The following ARHGEF38 variants were observed in gnomAD, a reference collection of about 807,000 sequenced individuals.
The protein encoded by ARHGEF38 is Rho guanine nucleotide exchange factor (GEF) 38.
A neutral mutation model predicts 79.9 loss-of-function variants in ARHGEF38; 79 were observed. The ratio of observed to expected loss-of-function variants is 0.99; its 90% confidence interval spans 0.82 to 1.19. ARHGEF38 has a LOEUF of 1.19. ARHGEF38 is among the 50% of genes most tolerant of loss of function. ARHGEF38 has a pLI of 0.00. For missense variants in ARHGEF38, 962 were observed against 907.2 expected, an observed-to-expected ratio of 1.06 and a Z score of -0.78; for synonymous variants, 366 against 328.3, an observed-to-expected ratio of 1.11 and a Z score of -1.24.
At chr4:105,648,790 G>A (rs1729963058) in intron 7 of ARHGEF38, 108 bp downstream of exon 7, 2 of 1,108,186 alleles carry the variant, frequency 1.8e-6, no homozygotes, top group Non-Finnish European at 1.2e-6. Flanking sequence ...GAGAATCAAG[G>A]TAATTGCCCT....
At chr4:105,624,867 C>T (rs1383223613) in intron 3 of ARHGEF38, among the ~76,000 whole-genome samples, 4 of 152,176 alleles carry the variant, frequency 2.6e-5, no homozygotes, top group African/African-American at 7.2e-5. Flanking sequence ...TACCATGGAG[C>T]TTTCGCTCAG....
At chr4:105,592,162 C>T (rs1727372254) in intron 2 of ARHGEF38, among the ~76,000 whole-genome samples, 1 of 152,146 alleles carries the variant, frequency 6.6e-6, no homozygotes, top group African/African-American at 2.4e-5. Flanking sequence ...TCTCGCTCTC[C>T]TCCTTAATTC....
chr4:105,654,086 A>C lies in ARHGEF38; in HGVS notation c.1030A>C (p.Arg344=). ...TTAGGTTAAAGACAATACCTTTAAC[A>C]GAGAAGAAAAGCTGTTTAGAGCTTT... is the stretch of plus-strand genomic sequence containing the variant. ...ESQVKDNTFN[R]EEKLFRALEK... Residue 344 remains arginine, a synonymous_variant, in exon 8 of 14, where the codon AGA becomes CGA. Transcript: ENST00000420470. 3 of 1,510,950 alleles carry C rather than the reference A, an allele frequency of 2.0e-6. No homozygotes were observed. Among genetic ancestry groups the C allele is most frequent in the Non-Finnish European group, 2.7e-6 (3 of 1,129,874 alleles). 93.6% of individuals were successfully genotyped at this position (1,510,950 alleles called of 1,614,324 possible).
At chr4:105,562,306 G>T (rs1443011190) in intron 1 of ARHGEF38, among the ~76,000 whole-genome samples, 1 of 151,862 alleles carries the variant, frequency 6.6e-6, no homozygotes, top group African/African-American at 2.4e-5. Context: ...AATTCTCCTT[G>T]GGGAAAAAGA....
At chr4:105,659,954 A>T (rs1040966698) in intron 10 of ARHGEF38, among the ~76,000 whole-genome samples, 4 of 151,994 alleles carry the variant, frequency 2.6e-5, no homozygotes, top group Non-Finnish European at 4.4e-5. Context: ...AGATATTTAC[A>T]ACTTATATCA....
At chr4:105,648,846 CTT>C (rs1491508753) in intron 7 of ARHGEF38, among the ~76,000 whole-genome samples, 164 bp downstream of exon 7, 53 of 148,592 alleles carry the variant, frequency 3.6e-4, no homozygotes, top group African/African-American at 1.2e-3. Flanking sequence ...CTCTCTCTCT[CTT>C]TCTCTCTCTC....
At chr4:105,599,345 G>T (rs1278313882) in intron 2 of ARHGEF38, among the ~76,000 whole-genome samples, 6 of 152,046 alleles carry the variant, frequency 3.9e-5, no homozygotes, top group African/African-American at 1.4e-4. Context: ...GAATCTGCTG[G>T]ACCAAGTGAG....
intron 2 of ARHGEF38, among the ~76,000 whole-genome samples, chr4:105,606,924 A>G (rs1036337081): frequency 5.9e-5 from 9 of 152,096 alleles, no homozygotes; most frequent in Admixed American, 2.0e-4. Context: ...TCTTTTGTCT[A>G]CTCATCCTTA....
intron 6 of ARHGEF38, among the ~76,000 whole-genome samples, chr4:105,647,876 C>T (rs1193833105): frequency 1.3e-5 from 2 of 148,724 alleles, no homozygotes; most frequent in African/African-American, 5.0e-5. Flanking sequence ...GTTGTCTTGT[C>T]TTTTCTTTTC....
At chr4:105,632,087 T>C (rs1389094573) in intron 4 of ARHGEF38, among the ~76,000 whole-genome samples, 1 of 152,148 alleles carries the variant, frequency 6.6e-6, no homozygotes, top group African/African-American at 2.4e-5. Context: ...CTGCACTAAA[T>C]TGAAATCATG....
intron 3 of ARHGEF38, among the ~76,000 whole-genome samples, chr4:105,621,874 C>T (rs1042369182): frequency 1.3e-5 from 2 of 152,044 alleles, no homozygotes; most frequent in African/African-American, 2.4e-5. Flanking sequence ...TTGGGGGACA[C>T]CCAGATGCAA....
chr4:105,556,017 T>C (rs1386130991), intron 1 of ARHGEF38, among the ~76,000 whole-genome samples: 1 of 152,186 alleles, frequency 6.6e-6, no homozygotes, highest in Non-Finnish European at 1.5e-5. Context: ...ATCAACATAG[T>C]CATTCCTACT....
Position 105,601,861 on chromosome 4 carries a change from T to C in ARHGEF38, c.385-11523T>C, listed in dbSNP as rs944760228. Among the ~76,000 whole-genome samples the C allele has an allele frequency of 6.6e-5, 10 of 152,322 alleles. No individual in the cohort carries two copies. The East Asian group carries it at 1.9e-3, about 29-fold the overall frequency. On this transcript the variant is annotated intron_variant, in intron 2 of 13. Transcript: ENST00000420470. ...ATTCCGTATCTTCCTTTTGCTGTTT[T>C]TGTTTTATCCCTATAACATTTAACC...
At chr4:105,580,288 CTCTT>C (rs1726723333) in intron 1 of ARHGEF38, among the ~76,000 whole-genome samples, 1 of 151,984 alleles carries the variant, frequency 6.6e-6, no homozygotes, top group Non-Finnish European at 1.5e-5. Context: ...CCTTCTTTAG[CTCTT>C]TTATTTGTGA....
chr4:105,561,412 A>ATGGAATAGAATAGAG (rs1725535989), intron 1 of ARHGEF38, among the ~76,000 whole-genome samples: 1 of 58,020 alleles, frequency 1.7e-5, no homozygotes, highest in Non-Finnish European at 3.3e-5. Flanking sequence ...ATAGAATAGA[A>ATGGAATAGAATAGAG]TAGAATAGAA....
Position 105,680,221 on chromosome 4 carries a change from C to T in ARHGEF38, c.*2284C>T. ...GTTTTCCCTTTTCTTTTCCTTAAGT[C>T]ACTAAAATCTGTAGTTATATAATCT... On this transcript the variant is annotated 3_prime_UTR_variant, in exon 14 of 14. Coordinates refer to ENST00000420470, the MANE Select transcript of ARHGEF38 (RefSeq NM_001242729.2). The T allele has an allele frequency of 2.2e-6, 1 of 449,078 alleles. No homozygotes were observed. The highest frequency in any genetic ancestry group is 4.2e-6 in the Non-Finnish European group (1 of 240,890). The allele number at this position is 449,078 out of a possible 1,614,324, so 27.8% of individuals were successfully genotyped here.
At chr4:105,661,149 T>C (rs1730546958) in intron 10 of ARHGEF38, among the ~76,000 whole-genome samples, 1 of 151,942 alleles carries the variant, frequency 6.6e-6, no homozygotes, top group Non-Finnish European at 1.5e-5. Context: ...ATGCCTAGCA[T>C]GTTTCATTAT....
Position 105,589,453 on chromosome 4 carries a change from A to AT in ARHGEF38, c.384+27dup, listed in dbSNP as rs576769258. On this transcript the variant is annotated intron_variant, in intron 2 of 13. Transcript: ENST00000420470. Reference sequence around the variant, plus strand: ...ATAAAAAGGTAAATATATATTTGAGATTTTTTTTTCTCTCCCATATCATAA... The same window carrying AT: ...ATAAAAAGGTAAATATATATTTGAGATTTTTTTTTTCTCTCCCATATCATAA... 228 of 1,582,554 alleles carry AT rather than the reference A, an allele frequency of 1.4e-4. No homozygotes were observed. Among genetic ancestry groups the AT allele is most frequent in the Middle Eastern group, 6.8e-4 (4 of 5,850 alleles).
At chr4:105,637,576 C>G (rs1729449377) in intron 5 of ARHGEF38, among the ~76,000 whole-genome samples, 2 of 152,104 alleles carry the variant, frequency 1.3e-5, no homozygotes, top group African/African-American at 4.8e-5. Flanking sequence ...TGGGAAATGG[C>G]TCTGCCTCAT....
Sources: gnomAD v4.1 joint callset for allele counts (sites outside exome capture counted in the v4.1 genomes callset) on GRCh38, gnomAD v4.1.1 for gene constraint, MANE v1.5 for transcripts, NCBI Gene and HGNC (gene_info 2026-07-23, HGNC 2026-07-21) for gene names.